The following CDH9 variants were observed in gnomAD, a reference collection of about 807,000 sequenced individuals.
CDH9 encodes cadherin 9, also known as cadherin-9.
Under a neutral mutation model 70.9 loss-of-function variants are expected in CDH9, and 28 were observed. The ratio of observed to expected loss-of-function variants is 0.40; its 90% CI spans 0.29 to 0.54. The LOEUF (loss-of-function observed/expected upper bound fraction) is 0.54, where lower values mean the gene tolerates loss of function less well. Ranked by LOEUF, CDH9 falls within the 20% of genes least tolerant of loss-of-function variation. The pLI is 0.59. For synonymous variants in CDH9, 409 were observed against 343.1 expected (o/e 1.19, Z -2.12); for missense variants, 874 against 984.4 (o/e 0.89, Z 1.50).
intron 6 of CDH9, 155 bp downstream of exon 6, chr5:26,903,482 C>G (rs1208643858): frequency 1.4e-6 from 1 of 723,398 alleles, no homozygotes; most frequent in Admixed American, 1.9e-5. Context: ...ATTTAACTTG[C>G]TTGAAGTGAT....
chr5:27,030,488 A>AT (rs1743293755), intron 1 of CDH9, among the ~76,000 whole-genome samples: 1 of 151,444 alleles, frequency 6.6e-6, no homozygotes, highest in Non-Finnish European at 1.5e-5. Context: ...GCAGAAAAGC[A>AT]GGGGGGATGG....
chr5:26,926,226 T>C (rs1307032524), intron 2 of CDH9, among the ~76,000 whole-genome samples: 1 of 152,166 alleles, frequency 6.6e-6, no homozygotes, highest in East Asian at 1.9e-4. Context: ...CTTAAGCCGA[T>C]AAGCAACTTC....
At chr5:27,001,895 T>G (rs760345434) in intron 1 of CDH9, among the ~76,000 whole-genome samples, 5 of 147,574 alleles carry the variant, frequency 3.4e-5, no homozygotes, top group Non-Finnish European at 7.4e-5. Flanking sequence ...CGCTGCTACA[T>G]TGATGGAGGT....
intron 2 of CDH9, among the ~76,000 whole-genome samples, chr5:26,986,449 C>G (rs747266413): frequency 6.6e-6 from 1 of 152,030 alleles, no homozygotes; most frequent in East Asian, 1.9e-4. Flanking sequence ...AAATTTTAAA[C>G]TATAATGTAT....
chr5:26,959,670 C>A (rs973730776), intron 2 of CDH9, among the ~76,000 whole-genome samples: 1 of 152,002 alleles, frequency 6.6e-6, no homozygotes, highest in Non-Finnish European at 1.5e-5. Flanking sequence ...TATTACTCAA[C>A]CTTAAAAATA....
chr5:26,887,841 G>A (rs147692498), intron 9 of CDH9, among the ~76,000 whole-genome samples: 257 of 152,190 alleles, frequency 1.7e-3, no homozygotes, highest in Non-Finnish European at 3.1e-3. Context: ...AGTAATTGGC[G>A]TCCACAAGCC....
At chr5:26,901,481 A>G (rs1179674750) in intron 7 of CDH9, among the ~76,000 whole-genome samples, 5 of 151,922 alleles carry the variant, frequency 3.3e-5, no homozygotes, top group African/African-American at 7.2e-5. Context: ...ATATTTGGAT[A>G]GTCCTAAAAT....
chr5:26,881,687 T>C, intron 11 of CDH9, 64 bp from the exon 12 acceptor site: 1 of 1,441,050 alleles, frequency 6.9e-7, no homozygotes, highest in Non-Finnish European at 9.3e-7. Flanking sequence ...AGTACACTTC[T>C]GAGTGTGAAA....
intron 1 of CDH9, among the ~76,000 whole-genome samples, chr5:27,033,527 A>G (rs1246481731): frequency 6.6e-6 from 1 of 151,504 alleles, no homozygotes; most frequent in Non-Finnish European, 1.5e-5. Flanking sequence ...TGTAATTTCA[A>G]CTAAGTTTAC....
rs757963790 is a variant in CDH9 at position 26,992,846 on chromosome 5, T to C, written c.-49-4464A>G. On this transcript the variant is annotated intron_variant, in intron 1 of 11. Coordinates refer to ENST00000231021, the MANE Select transcript of CDH9 (RefSeq NM_016279.4). ...GCGTGGTGGCTCAGGCCTGTAATCC[T>C]AGCACATTAGAAGGCCGAGGCGGGC... is the stretch of plus-strand genomic sequence containing the variant. Among the ~76,000 whole-genome samples, 54 of 152,176 alleles carry C rather than the reference T, an allele frequency of 3.5e-4. 2 individuals are homozygous for C. In the Middle Eastern group the frequency reaches 0.014, roughly 38 times the overall value.
chr5:26,953,708 C>T (rs1005485805), intron 2 of CDH9, among the ~76,000 whole-genome samples: 5 of 152,246 alleles, frequency 3.3e-5, no homozygotes, highest in Non-Finnish European at 5.9e-5. Flanking sequence ...TTCATTCCAT[C>T]CATCAGAAAG....
chr5:26,890,219 A>G (rs1438291789), intron 8 of CDH9, among the ~76,000 whole-genome samples: 1 of 152,216 alleles, frequency 6.6e-6, no homozygotes, highest in African/African-American at 2.4e-5. Flanking sequence ...TTTCTCTCCT[A>G]TATAAGGTGT....
chr5:27,020,673 G>A (rs1290132183), intron 1 of CDH9, among the ~76,000 whole-genome samples: 2 of 150,844 alleles, frequency 1.3e-5, no homozygotes, highest in Non-Finnish European at 3.0e-5. Context: ...TATTTTCTAT[G>A]CCATTATGAA....
intron 1 of CDH9, among the ~76,000 whole-genome samples, chr5:26,992,281 G>T (rs1040004997): frequency 6.6e-6 from 1 of 152,114 alleles, no homozygotes; most frequent in South Asian, 2.1e-4. Flanking sequence ...GGGGTTGGGG[G>T]GCCCTGCTCA....
chr5:26,893,344 T>C (rs1471605635), intron 7 of CDH9, among the ~76,000 whole-genome samples: 1 of 152,172 alleles, frequency 6.6e-6, no homozygotes, highest in East Asian at 1.9e-4. Context: ...AGTGGTGGAA[T>C]GGCTAAAAAC....
intron 2 of CDH9, among the ~76,000 whole-genome samples, chr5:26,931,584 A>C (rs964001656): frequency 7.9e-5 from 12 of 152,206 alleles, no homozygotes. Context: ...TCATAAGAAA[A>C]AAATTCAAGC....
chr5:26,959,101 A>T (rs1429641846), intron 2 of CDH9, among the ~76,000 whole-genome samples: 1 of 152,190 alleles, frequency 6.6e-6, no homozygotes, highest in East Asian at 1.9e-4. Context: ...TTTGCAAAAC[A>T]TATATCTTAC....
rs138041424 is a variant in CDH9, at chr5:26,947,449, G to A, written c.229-31525C>T. Among the ~76,000 whole-genome samples, 587 of 152,228 alleles carry A rather than the reference G, an allele frequency of 3.9e-3. 1 individual carries two copies. Among genetic ancestry groups the A allele is most frequent in the African/African-American group, 0.013 (523 of 41,554 alleles). ...TATGTGCATCCAAAACATACAGTCC[G>A]CAGTTTTGACAGAACTCAATTATGG... On this transcript the variant is annotated intron_variant, in intron 2 of 11. Transcript: ENST00000231021.
Position 26,916,401 on chromosome 5 carries a change from G to C in CDH9, c.229-477C>G, listed in dbSNP as rs1221203511. ...TGATTTTATTCTCCTTCAGTACAGAGTATCCCCTTATCTGTGGGGGATACA... is the reference window on the plus strand; with the variant it reads ...TGATTTTATTCTCCTTCAGTACAGACTATCCCCTTATCTGTGGGGGATACA... On this transcript the variant is annotated intron_variant, in intron 2 of 11. Transcript: ENST00000231021. Among the ~76,000 whole-genome samples the C allele has an allele frequency of 3.9e-5, 6 of 152,022 alleles. No individual in the cohort carries two copies. The East Asian group carries it at 1.2e-3, about 29-fold the overall frequency.
Sources: gnomAD v4.1 joint callset for allele counts (sites outside exome capture counted in the v4.1 genomes callset) on GRCh38, gnomAD v4.1.1 for gene constraint, MANE v1.5 for transcripts, NCBI Gene and HGNC (gene_info 2026-07-23, HGNC 2026-07-21) for gene names.